The following SLC4A4 variants were observed in gnomAD, a reference collection of about 807,000 sequenced individuals.
The protein encoded by SLC4A4 is solute carrier family 4 member 4.
SLC4A4 carries 27 observed loss-of-function variants against 111.5 expected under a neutral mutation model. The observed-to-expected ratio is 0.24, with a 90% CI of 0.18 to 0.33. The LOEUF (loss-of-function observed/expected upper bound fraction) is 0.33, where lower values mean the gene tolerates loss of function less well. SLC4A4 is among the 10% of genes least tolerant of loss of function. SLC4A4 has a pLI of 1.00. For missense variants in SLC4A4, 909 were observed against 1,315.5 expected, an observed-to-expected ratio of 0.69 and a Z score of 4.78; for synonymous variants, 443 against 463.4, an observed-to-expected ratio of 0.96 and a Z score of 0.57.
At chr4:71,236,265 T>A (rs1416524902) in intron 1 of SLC4A4, 3 of 1,071,504 alleles carry the variant, frequency 2.8e-6, no homozygotes, top group Non-Finnish European at 3.4e-6. Flanking sequence ...TCATCCTTTT[T>A]AAAAAGAATT....
intron 1 of SLC4A4, among the ~76,000 whole-genome samples, chr4:71,219,063 A>C (rs1718590724): frequency 6.6e-6 from 1 of 152,198 alleles, no homozygotes; most frequent in Non-Finnish European, 1.5e-5. Flanking sequence ...TTTCTGCAGA[A>C]ACATCACAAG....
rs767852096 is a variant in SLC4A4 at position 71,439,014 on chromosome 4, AAAAG to A, written c.808-1594_808-1591del. Among the ~76,000 whole-genome samples the A allele has an allele frequency of 1.5e-3, 227 of 152,134 alleles. 1 individual carries two copies. Among genetic ancestry groups the A allele is most frequent in the Admixed American group, 2.4e-3 (37 of 15,292 alleles). On this transcript the variant is annotated intron_variant, in intron 7 of 25. Transcript: ENST00000264485. Reference sequence around the variant, plus strand: ...TAATAGTTCTATCTCAGAAAAAAAAAAAAGAAAGAAATCTATTTTATTCTCTCCT... The same window carrying A: ...TAATAGTTCTATCTCAGAAAAAAAAAAAAGAAATCTATTTTATTCTCTCCT...
At chr4:71,300,931 C>T (rs958862534) in intron 3 of SLC4A4, 5 of 523,332 alleles carry the variant, frequency 9.6e-6, no homozygotes, top group African/African-American at 1.9e-5. Context: ...AGATAGATCA[C>T]CAGGTTGTTG....
At chr4:71,190,847 A>G (rs894578967) in intron 1 of SLC4A4, among the ~76,000 whole-genome samples, 3 of 152,092 alleles carry the variant, frequency 2.0e-5, no homozygotes, top group African/African-American at 4.8e-5. Context: ...AATGATGCCA[A>G]TAATTTTATT....
At chr4:71,266,653 T>TGATCTCATTGAGATAC (rs1722284038) in intron 3 of SLC4A4, among the ~76,000 whole-genome samples, 1 of 152,160 alleles carries the variant, frequency 6.6e-6, no homozygotes, top group African/African-American at 2.4e-5. Flanking sequence ...AATGAATGCA[T>TGATCTCATTGAGATAC]GATCTCATTG....
At chr4:71,231,323 G>A (rs778479029) in intron 1 of SLC4A4, among the ~76,000 whole-genome samples, 36 of 152,150 alleles carry the variant, frequency 2.4e-4, no homozygotes, top group Admixed American at 3.9e-4. Flanking sequence ...AACTTAGAGG[G>A]GTGGAATGTA....
At chr4:71,370,380 T>G (rs950173969) in intron 6 of SLC4A4, among the ~76,000 whole-genome samples, 1 of 152,244 alleles carries the variant, frequency 6.6e-6, no homozygotes, top group African/African-American at 2.4e-5. Flanking sequence ...AACACTCACA[T>G]GATTCTCTCT....
chr4:71,443,083 ACTCTCTCTCTCT>A (rs1180993467), intron 8 of SLC4A4, among the ~76,000 whole-genome samples: 1 of 31,434 alleles, frequency 3.2e-5, no homozygotes, highest in East Asian at 1.1e-3. Context: ...AGAGGCCACT[ACTCTCTCTCTCT>A]CTCTCTCTCT....
chr4:71,401,900 A>T (rs1352339638), intron 7 of SLC4A4, among the ~76,000 whole-genome samples: 1 of 152,176 alleles, frequency 6.6e-6, no homozygotes, highest in Non-Finnish European at 1.5e-5. Context: ...GGGACACTTG[A>T]GGTCTACATA....
intron 5 of SLC4A4, among the ~76,000 whole-genome samples, chr4:71,354,594 T>G (rs1730120941): frequency 1.3e-5 from 2 of 152,226 alleles, no homozygotes; most frequent in Admixed American, 1.3e-4. Context: ...CCCTTTATAT[T>G]TCTTTTAGGA....
chr4:71,281,075 G>A lies in SLC4A4; in HGVS notation c.253+25676G>A, dbSNP rs1019200157. ...ATCTTTACATAAGTGAGAGTTAGGAGATTTCAGGCAGAGCAGGTATCCAAG... is the reference window on the plus strand; with the variant it reads ...ATCTTTACATAAGTGAGAGTTAGGAAATTTCAGGCAGAGCAGGTATCCAAG... On this transcript the variant is annotated intron_variant, in intron 3 of 25. Coordinates refer to ENST00000264485, the MANE Select transcript of SLC4A4 (RefSeq NM_001098484.3). Among the ~76,000 whole-genome samples, 3 of 152,164 alleles carry A rather than the reference G, an allele frequency of 2.0e-5. No homozygotes were observed. In the East Asian group the frequency reaches 5.8e-4, roughly 29 times the overall value.
At chr4:71,468,520 A>G (rs1727584524) in intron 13 of SLC4A4, among the ~76,000 whole-genome samples, 1 of 152,004 alleles carries the variant, frequency 6.6e-6, no homozygotes, top group South Asian at 2.1e-4. Context: ...TTATTTGAAA[A>G]CAGTTGTACA....
chr4:71,557,494 T>A (rs762575359), intron 21 of SLC4A4, among the ~76,000 whole-genome samples: 1 of 151,980 alleles, frequency 6.6e-6, no homozygotes, highest in Non-Finnish European at 1.5e-5. Flanking sequence ...CTTTTTCTTA[T>A]ACATCTACAT....
At chr4:71,200,499 T>C (rs1746199316) in intron 1 of SLC4A4, among the ~76,000 whole-genome samples, 1 of 152,208 alleles carries the variant, frequency 6.6e-6, no homozygotes, top group South Asian at 2.1e-4. Flanking sequence ...TGGAGACATG[T>C]GAAGTTATTG....
chr4:71,174,714 T>C (rs1745038288), intron 2 of SLC4A4, among the ~76,000 whole-genome samples: 1 of 152,230 alleles, frequency 6.6e-6, no homozygotes, highest in Admixed American at 6.5e-5. Flanking sequence ...TAAAACAACA[T>C]TGCTTTTATA....
chr4:71,086,057 G>T (rs546193306), intron 1 of SLC4A4, among the ~76,000 whole-genome samples: 2 of 151,848 alleles, frequency 1.3e-5, no homozygotes, highest in African/African-American at 4.9e-5. Flanking sequence ...TCTTCCATTT[G>T]TTTGTATCCT....
intron 4 of SLC4A4, among the ~76,000 whole-genome samples, chr4:71,348,822 T>G (rs1729563491): frequency 6.6e-6 from 1 of 152,192 alleles, no homozygotes; most frequent in Non-Finnish European, 1.5e-5. Flanking sequence ...TCCTCTGATC[T>G]CTGCCCTTTG....
intron 2 of SLC4A4, among the ~76,000 whole-genome samples, chr4:71,248,651 C>T (rs1015346272): frequency 6.6e-6 from 1 of 151,996 alleles, no homozygotes; most frequent in African/African-American, 2.4e-5. Context: ...TCTTGTTTTT[C>T]TAGCTAAGAT....
At chr4:71,496,668 A>C (rs904832734) in intron 15 of SLC4A4, among the ~76,000 whole-genome samples, 1 of 151,994 alleles carries the variant, frequency 6.6e-6, no homozygotes, top group African/African-American at 2.4e-5. Context: ...GGCCCTATCT[A>C]CTATGCTAGC....
Sources: allele counts gnomAD v4.1 joint callset (sites outside exome capture counted in the v4.1 genomes callset), GRCh38; gene constraint gnomAD v4.1.1; transcripts MANE v1.5; gene names NCBI Gene and HGNC (gene_info 2026-07-23, HGNC 2026-07-21).